Variants in CISD2 observed in about 807,000 individuals in gnomAD.
CISD2 encodes the protein CDGSH iron sulfur domain 2.
In CISD2, 1 loss-of-function variant was observed where a neutral mutation model predicts 12.9. That is an observed-to-expected ratio of 0.08 (90% CI 0.03 to 0.37). The LOEUF (loss-of-function observed/expected upper bound fraction) is 0.37. Among genes scored for constraint, CISD2 ranks in the 10% least tolerant of loss-of-function variants. The pLI is 0.99. For synonymous variants in CISD2, 50 were observed against 60.6 expected (o/e 0.83, Z 0.81); for missense variants, 97 against 163.1 (o/e 0.59, Z 2.21).
intron 1 of CISD2, among the ~76,000 whole-genome samples, chr4:102,883,187 C>T (rs1578313749): frequency 6.6e-6 from 1 of 152,092 alleles, no homozygotes; most frequent in Non-Finnish European, 1.5e-5. Flanking sequence ...GCAAACCAAC[C>T]AATCCAAAGC....
intron 1 of CISD2, among the ~76,000 whole-genome samples, chr4:102,875,532 C>A (rs1034371105): frequency 6.6e-6 from 1 of 152,140 alleles, no homozygotes; most frequent in South Asian, 2.1e-4. Context: ...TTTAAGTAGT[C>A]TTCCTGTATT....
intron 1 of CISD2, among the ~76,000 whole-genome samples, chr4:102,879,886 A>C (rs564562173): frequency 6.6e-6 from 1 of 152,194 alleles, no homozygotes; most frequent in Non-Finnish European, 1.5e-5. Context: ...CTGGGGACAC[A>C]GATGATCAGA....
chr4:102,886,345 G>A (rs1459638581), intron 2 of CISD2, among the ~76,000 whole-genome samples: 2 of 151,920 alleles, frequency 1.3e-5, no homozygotes, highest in Admixed American at 1.3e-4. Context: ...AAAAAAATTA[G>A]CCAGGCGTGG....
intron 1 of CISD2, chr4:102,874,388 G>A (rs888577239): frequency 6.6e-6 from 1 of 152,170 alleles, no homozygotes; most frequent in Non-Finnish European, 1.5e-5. Context: ...TCACTACCTA[G>A]GTGGGAGGAT....
chr4:102,872,670 C>A (rs1253987913), intron 1 of CISD2, among the ~76,000 whole-genome samples: 2 of 151,838 alleles, frequency 1.3e-5, no homozygotes, highest in South Asian at 2.1e-4. Flanking sequence ...CATTTTATGT[C>A]ATTTTTAGCT....
intron 2 of CISD2, among the ~76,000 whole-genome samples, chr4:102,885,711 C>T (rs1352791141): frequency 6.6e-6 from 1 of 152,034 alleles, no homozygotes; most frequent in Non-Finnish European, 1.5e-5. Context: ...GAGAGAGGAC[C>T]TAAGGTTTAA....
intron 1 of CISD2, among the ~76,000 whole-genome samples, chr4:102,884,812 A>C (rs1019575965): frequency 8.5e-5 from 13 of 152,180 alleles, no homozygotes; most frequent in African/African-American, 2.4e-4. Context: ...AATTCTGCAG[A>C]TATTCTGTTG....
chr4:102,885,516 A>C, intron 2 of CISD2, 86 bp downstream of exon 2: 1 of 1,019,738 alleles, frequency 9.8e-7, no homozygotes. Flanking sequence ...AAGTTCTTTA[A>C]GATGAGAGAA....
chr4:102,870,078 A>G (rs1479503750), intron 1 of CISD2, among the ~76,000 whole-genome samples: 3 of 152,338 alleles, frequency 2.0e-5, no homozygotes, highest in East Asian at 3.9e-4. Context: ...TTGAACTCCT[A>G]TGTCCTAGGT....
chr4:102,873,301 CTG>C (rs1277422563), intron 1 of CISD2, among the ~76,000 whole-genome samples: 2 of 152,300 alleles, frequency 1.3e-5, no homozygotes, highest in Middle Eastern at 3.4e-3. Flanking sequence ...GGGTTTCACT[CTG>C]TTGCCCAGGC....
At chr4:102,872,331 A>C (rs1196213761) in intron 1 of CISD2, among the ~76,000 whole-genome samples, 1 of 152,174 alleles carries the variant, frequency 6.6e-6, no homozygotes, top group African/African-American at 2.4e-5. Context: ...CGGCCGCCCA[A>C]AGTGCTGGGA....
At chr4:102,881,546 TA>T (rs1384816074) in intron 1 of CISD2, among the ~76,000 whole-genome samples, 1 of 152,222 alleles carries the variant, frequency 6.6e-6, no homozygotes, top group African/African-American at 2.4e-5. Flanking sequence ...TTGTACCCCA[TA>T]AATATGTACA....
rs1734119337 is a variant in CISD2, at chr4:102,889,474, A to G, written c.*2044A>G. The G allele has an allele frequency of 1.3e-5, 2 of 152,254 alleles. No individual in the cohort carries two copies. Among genetic ancestry groups the G allele is most frequent in the African/African-American group, 2.4e-5 (1 of 41,464 alleles). 9.4% of individuals were successfully genotyped at this position (152,254 alleles called of 1,614,324 possible). A position where few individuals can be genotyped will look rare whatever the true frequency, so the allele number is the denominator to read the frequency against. On this transcript the variant is annotated 3_prime_UTR_variant, in exon 3 of 3. Transcript: ENST00000273986. The stretch of plus-strand genomic sequence containing the variant: ...TTTCACACATGTTCTAGTGGTTCCC[A>G]TAACTTAGATTTTACAGGAGGCAAA...
At position 102,891,938 on chromosome 4, in the gene CISD2, CTGTTT is replaced by C. The variant is rs1372405769; in HGVS notation, c.*4520_*4524del. The stretch of plus-strand genomic sequence containing the variant: ...GTTGGAGTATAGAATATGCCCAAAG[CTGTTT>C]TGTTTTGTTTTAACTATGCTTCATC... On this transcript the variant is annotated 3_prime_UTR_variant, in exon 3 of 3. Coordinates refer to ENST00000273986, the MANE Select transcript of CISD2 (RefSeq NM_001008388.5). The C allele has an allele frequency of 2.6e-5, 4 of 152,156 alleles. No homozygotes were observed. The highest frequency in any genetic ancestry group is 5.9e-5 in the Non-Finnish European group (4 of 68,030). 9.4% of individuals were successfully genotyped at this position (152,156 alleles called of 1,614,324 possible). A position where few individuals can be genotyped will look rare whatever the true frequency, so the allele number is the denominator to read the frequency against.
At position 102,891,289 on chromosome 4, in the gene CISD2, C is replaced by A. The variant is rs868180771; in HGVS notation, c.*3859C>A. On this transcript the variant is annotated 3_prime_UTR_variant, in exon 3 of 3. Transcript: ENST00000273986. The stretch of plus-strand genomic sequence containing the variant: ...AACAAGTTTGGTTATCTGATTTCTG[C>A]TTCTTAACAAATCACAAGTATCAAA... The A allele has an allele frequency of 6.6e-6, 1 of 152,254 alleles. No homozygotes were observed. The highest frequency in any genetic ancestry group is 3.4e-3 in the Middle Eastern group (1 of 294). 9.4% of individuals were successfully genotyped at this position (152,254 alleles called of 1,614,324 possible).
chr4:102,871,578 G>A (rs184475397), intron 1 of CISD2, among the ~76,000 whole-genome samples: 1 of 152,014 alleles, frequency 6.6e-6, no homozygotes, highest in African/African-American at 2.4e-5. Context: ...ACAATTGCAG[G>A]GTTTATTTTG....
intron 2 of CISD2, among the ~76,000 whole-genome samples, chr4:102,885,889 G>T (rs1017983508): frequency 6.6e-6 from 1 of 152,096 alleles, no homozygotes; most frequent in Non-Finnish European, 1.5e-5. Flanking sequence ...TATGTAAACT[G>T]CTTTAATAAT....
chr4:102,884,960 T>G, intron 1 of CISD2: 18 of 434,952 alleles, frequency 4.1e-5, no homozygotes, highest in East Asian at 1.9e-4. Context: ...ATGTAGACAA[T>G]GAGATAGGAT....
Position 102,885,305 on chromosome 4 carries a change from C to T in CISD2, c.193C>T (p.Gln65Ter), listed in dbSNP as rs1161938174. The stretch of plus-strand genomic sequence containing the variant: ...TCGTCCATTCCTCCCGAAGAAGAAA[C>T]AACAGAAGGATAGCTTGATTAATCT... Reference protein sequence around the residue: ...AVRPFLPKKKQQKDSLINLKI... With the variant: ...AVRPFLPKKK The change falls in exon 2 of 3, where the codon CAA becomes TAA. Residue 65 changes from glutamine to a stop codon, truncating the protein, a stop_gained. Coordinates refer to ENST00000273986, the MANE Select transcript of CISD2 (RefSeq NM_001008388.5). LOFTEE classifies it high-confidence loss of function. 1 of 1,613,884 alleles carries T rather than the reference C, an allele frequency of 6.2e-7. No individual in the cohort carries two copies. Among genetic ancestry groups the T allele is most frequent in the Non-Finnish European group, 8.5e-7 (1 of 1,179,954 alleles).
Sources: allele counts gnomAD v4.1 joint callset (sites outside exome capture counted in the v4.1 genomes callset), GRCh38; gene constraint gnomAD v4.1.1; transcripts MANE v1.5; gene names NCBI Gene and HGNC (gene_info 2026-07-23, HGNC 2026-07-21).